ZNF521: variants seen among roughly 807,000 people sequenced by gnomAD.
The protein encoded by ZNF521 is LYST-interacting protein 3.
ZNF521 carries 14 observed loss-of-function variants against 105.5 expected under a neutral mutation model. The ratio of observed to expected loss-of-function variants is 0.13; its 90% CI spans 0.09 to 0.21. ZNF521 has a LOEUF of 0.21. ZNF521 is among the 10% of genes least tolerant of loss of function. ZNF521 has a pLI of 1.00. For synonymous variants in ZNF521, 635 were observed against 606.0 expected (o/e 1.05, Z -0.70); for missense variants, 1,233 against 1,629.7 (o/e 0.76, Z 4.19).
intron 5 of ZNF521, among the ~76,000 whole-genome samples, chr18:25,178,677 TTATAATGGAAAGA>T (rs1422873003): frequency 3.9e-5 from 6 of 152,212 alleles, no homozygotes; most frequent in Non-Finnish European, 8.8e-5. Flanking sequence ...AAGTCTTTAC[TTATAATGGAAAGA>T]TATAATGGAA....
chr18:25,181,176 A>G (rs1476154137), intron 5 of ZNF521, among the ~76,000 whole-genome samples: 1 of 152,150 alleles, frequency 6.6e-6, no homozygotes, highest in African/African-American at 2.4e-5. Context: ...CTTTCAGCTC[A>G]TCTAAACTGA....
At chr18:25,070,953 G>A (rs2033205039) in intron 7 of ZNF521, among the ~76,000 whole-genome samples, 1 of 152,202 alleles carries the variant, frequency 6.6e-6, no homozygotes, top group South Asian at 2.1e-4. Flanking sequence ...GTGTTAAATA[G>A]CTGTAATGAG....
chr18:25,131,643 TC>T (rs1433537462), intron 5 of ZNF521, among the ~76,000 whole-genome samples: 1 of 152,178 alleles, frequency 6.6e-6, no homozygotes, highest in African/African-American at 2.4e-5. Context: ...TGTCTTTATA[TC>T]CCTCGTATCT....
chr18:25,177,792 A>C (rs2035559432), intron 5 of ZNF521, among the ~76,000 whole-genome samples: 1 of 152,236 alleles, frequency 6.6e-6, no homozygotes, highest in Non-Finnish European at 1.5e-5. Context: ...TAAGCTTTCT[A>C]CCAGCACCAA....
At chr18:25,201,478 A>G (rs138768357) in intron 4 of ZNF521, 22 of 152,236 alleles carry the variant, frequency 1.4e-4, no homozygotes, top group African/African-American at 5.3e-4. Context: ...TGGTTTTCTT[A>G]TTTGGTTTCT....
chr18:25,149,924 CA>C, intron 5 of ZNF521, among the ~76,000 whole-genome samples: 1 of 152,302 alleles, frequency 6.6e-6, no homozygotes. Flanking sequence ...CACCCCTCTA[CA>C]GACACCTCCA....
At chr18:25,178,408 C>G (rs2035571053) in intron 5 of ZNF521, among the ~76,000 whole-genome samples, 1 of 152,208 alleles carries the variant, frequency 6.6e-6, no homozygotes, top group South Asian at 2.1e-4. Flanking sequence ...TCTATCCACT[C>G]AGCTTTCAAA....
At chr18:25,148,156 G>T (rs2034979976) in intron 5 of ZNF521, among the ~76,000 whole-genome samples, 1 of 151,970 alleles carries the variant, frequency 6.6e-6, no homozygotes. Context: ...AATATAAATG[G>T]GAAAAAAGAC....
chr18:25,338,291 GTGTGTGTA>G (rs1914007197), intron 2 of ZNF521, among the ~76,000 whole-genome samples: 1 of 151,570 alleles, frequency 6.6e-6, no homozygotes, highest in African/African-American at 2.4e-5. Context: ...GTGTGTGTGT[GTGTGTGTA>G]AACTACAATT....
chr18:25,258,242 A>G (rs983515392), intron 3 of ZNF521, among the ~76,000 whole-genome samples: 1 of 152,312 alleles, frequency 6.6e-6, no homozygotes, highest in South Asian at 2.1e-4. Flanking sequence ...TATTGACGAT[A>G]AGGTTTGGAT....
chr18:25,261,851 G>A (rs188448733), intron 3 of ZNF521, among the ~76,000 whole-genome samples: 11 of 151,958 alleles, frequency 7.2e-5, no homozygotes, highest in Non-Finnish European at 1.0e-4. Flanking sequence ...GAGTCTAACC[G>A]TAACTTATTA....
intron 5 of ZNF521, among the ~76,000 whole-genome samples, chr18:25,155,245 G>A (rs546201028): frequency 1.3e-5 from 2 of 152,016 alleles, no homozygotes; most frequent in African/African-American, 4.8e-5. Flanking sequence ...TTTTTTAATT[G>A]GGTTGTATGT....
intron 2 of ZNF521, among the ~76,000 whole-genome samples, chr18:25,349,804 C>T (rs1598499628): frequency 6.7e-6 from 1 of 150,110 alleles, no homozygotes; most frequent in Admixed American, 6.6e-5. Context: ...GCGGGCGCAC[C>T]AGCCGCCCTT....
intron 7 of ZNF521, among the ~76,000 whole-genome samples, chr18:25,073,570 G>A (rs143718064): frequency 6.6e-6 from 1 of 152,156 alleles, no homozygotes; most frequent in Non-Finnish European, 1.5e-5. Context: ...AGATTCAAAA[G>A]GTCATCTGAT....
rs531355937 is a variant in ZNF521, at chr18:25,289,951, C to A, written c.220+32057G>T. Among the ~76,000 whole-genome samples the A allele has an allele frequency of 5.9e-5, 9 of 152,174 alleles. No homozygotes were observed. In the South Asian group the frequency reaches 1.2e-3, roughly 21 times the overall value. ...TAAGCCCTTTTTAACTACAACATGC[C>A]ATTATTGGTCTCTTCTTTATTGTTG... is the stretch of plus-strand genomic sequence containing the variant. On this transcript the variant is annotated intron_variant, in intron 3 of 7. Coordinates refer to ENST00000361524, the MANE Select transcript of ZNF521 (RefSeq NM_015461.3).
At chr18:25,131,347 T>C (rs1418968731) in intron 5 of ZNF521, among the ~76,000 whole-genome samples, 2 of 152,160 alleles carry the variant, frequency 1.3e-5, no homozygotes, top group Non-Finnish European at 1.5e-5. Flanking sequence ...TTCATTCCAT[T>C]CATCCCACGT....
chr18:25,273,277 A>C (rs2144952680), intron 3 of ZNF521, among the ~76,000 whole-genome samples: 1 of 147,614 alleles, frequency 6.8e-6, no homozygotes, highest in Non-Finnish European at 1.5e-5. Context: ...TGCAACATTT[A>C]CTTTTAAAAG....
At chr18:25,248,040 A>G (rs1907849857) in intron 3 of ZNF521, among the ~76,000 whole-genome samples, 2 of 152,198 alleles carry the variant, frequency 1.3e-5, no homozygotes, top group South Asian at 4.1e-4. Flanking sequence ...CAAGAAGACT[A>G]TTAGGATAAA....
At chr18:25,253,235 A>T (rs895652744) in intron 3 of ZNF521, among the ~76,000 whole-genome samples, 2 of 152,178 alleles carry the variant, frequency 1.3e-5, no homozygotes, top group Non-Finnish European at 2.9e-5. Flanking sequence ...AATTCCAAGA[A>T]TATGTGTTTC....
Sources: allele counts gnomAD v4.1 joint callset (sites outside exome capture counted in the v4.1 genomes callset), GRCh38; gene constraint gnomAD v4.1.1; transcripts MANE v1.5; gene names NCBI Gene and HGNC (gene_info 2026-07-23, HGNC 2026-07-21).